Variants in ITIH3 observed in about 807,000 individuals in gnomAD.
ITIH3 encodes inter-alpha-trypsin inhibitor heavy chain H3.
In ITIH3, 81 loss-of-function variants were observed where a neutral mutation model predicts 96.5. The ratio of observed to expected loss-of-function variants is 0.84; its 90% confidence interval spans 0.70 to 1.01. The LOEUF is 1.01. Among genes scored for constraint, ITIH3 ranks in the 50% least tolerant of loss-of-function variants. ITIH3 has a pLI of 0.00. For synonymous variants in ITIH3, 422 were observed against 445.2 expected (o/e 0.95, Z 0.66); for missense variants, 1,057 against 1,139.3 (o/e 0.93, Z 1.04).
In ITIH3 at chr3:52,799,952, C is replaced by T. The variant is rs753363142; in HGVS notation, c.1075+31C>T. On this transcript the variant is annotated intron_variant, in intron 9 of 21. Coordinates refer to ENST00000449956, the MANE Select transcript of ITIH3 (RefSeq NM_002217.4). ...AGCGGAGCTGGAGCCCACACACCTC[C>T]TAGCGGTGCCTCCCTCTGTCCCTGA... 3 of 1,598,632 alleles carry T rather than the reference C, an allele frequency of 1.9e-6. No homozygotes were observed. In the African/African-American group the frequency reaches 4.0e-5, roughly 21 times the overall value.
rs983036071 is a variant in ITIH3, at chr3:52,806,792, G to A, written c.2057-109G>A. The A allele has an allele frequency of 4.7e-6, 4 of 853,938 alleles. No homozygotes were observed. In the South Asian group the frequency reaches 6.3e-5, roughly 14 times the overall value. The allele number at this position is 853,938 out of a possible 1,614,324, so 52.9% of individuals were successfully genotyped here. A position where few individuals can be genotyped will look rare whatever the true frequency, so the allele number is the denominator to read the frequency against. Reference sequence around the variant, plus strand: ...AGTCCTGGTCTCTCTTGTGGCCCCCGCTCTGCTGCCCCTCAGCCAGTCTGG... The same window carrying A: ...AGTCCTGGTCTCTCTTGTGGCCCCCACTCTGCTGCCCCTCAGCCAGTCTGG... On this transcript the variant is annotated intron_variant, in intron 18 of 21. Transcript: ENST00000449956.
chr3:52,808,258 A>G lies in ITIH3; in HGVS notation c.2543+37A>G. ...TCTCCCACACCCTCACCTGCTCAGCAACGAGAGGAGGAAAGAGCACCTGCA... is the reference window on the plus strand; with the variant it reads ...TCTCCCACACCCTCACCTGCTCAGCGACGAGAGGAGGAAAGAGCACCTGCA... On this transcript the variant is annotated intron_variant, in intron 21 of 21. Coordinates refer to ENST00000449956, the MANE Select transcript of ITIH3 (RefSeq NM_002217.4). The G allele has an allele frequency of 1.9e-6, 3 of 1,538,796 alleles. No homozygotes were observed. The South Asian group carries it at 3.3e-5, about 17-fold the overall frequency.
chr3:52,804,529 G>C (rs1344300937), intron 14 of ITIH3, 197 bp from the exon 15 acceptor site: 1 of 591,700 alleles, frequency 1.7e-6, no homozygotes, highest in Non-Finnish European at 3.1e-6. Context: ...GGGAGGCAAA[G>C]AGCTGGGCCT....
intron 10 of ITIH3, 54 bp downstream of exon 10, chr3:52,800,717 C>T (rs1699798793): frequency 5.1e-6 from 8 of 1,578,886 alleles, no homozygotes; most frequent in Middle Eastern, 2.0e-4. Flanking sequence ...GGCTGCTGCT[C>T]CTGGCTCTGT....
rs749576476 is a variant in ITIH3 at position 52,796,646 on chromosome 3, T to C, written c.280T>C (p.Leu94=). The C allele has an allele frequency of 6.2e-7, 1 of 1,611,994 alleles. No individual in the cohort carries two copies. The highest frequency in any genetic ancestry group is 8.5e-7 in the Non-Finnish European group (1 of 1,178,574). Residue 94 remains leucine, a splice_region_variant and synonymous_variant, in exon 3 of 22, where the codon TTG becomes CTG. Coordinates refer to ENST00000449956, the MANE Select transcript of ITIH3 (RefSeq NM_002217.4). ...PKTAFITNFT[L]TIDGVTYPGN... ...GACGGCCTTCATCACCAACTTCACC[T>C]TGTGGGTACCACCATGGCTGCTGGC...
intron 16 of ITIH3, 116 bp downstream of exon 16, chr3:52,805,956 C>T (rs72954399): frequency 0.024 from 36,231 of 1,529,988 alleles, 2,650 homozygotes; most frequent in African/African-American, 0.22. Flanking sequence ...GGACAATGTG[C>T]CCTGAGGAGA....
intron 11 of ITIH3, among the ~76,000 whole-genome samples, chr3:52,801,936 C>G (rs367940446): frequency 4.5e-4 from 69 of 152,308 alleles, no homozygotes; most frequent in South Asian, 1.4e-3. Flanking sequence ...AGGGCGACCA[C>G]CCCATTCCCT....
intron 13 of ITIH3, 149 bp from the exon 14 acceptor site, chr3:52,803,706 T>A: frequency 1.2e-6 from 1 of 810,984 alleles, no homozygotes; most frequent in Admixed American, 2.7e-5. Flanking sequence ...GAGCCAGTCT[T>A]CTCTGAGCCC....
chr3:52,803,967 GACA>G lies in ITIH3; in HGVS notation c.1825_1827del (p.Asn609del). The G allele has an allele frequency of 1.9e-6, 3 of 1,613,826 alleles. No individual in the cohort carries two copies. The highest frequency in any genetic ancestry group is 2.5e-6 in the Non-Finnish European group (3 of 1,179,832). On this transcript the variant is annotated inframe_deletion, in exon 14 of 22. Transcript: ENST00000449956. ...CTCAATGGTGGTGACCAAGCCTGAG[GACA>G]ACGAGGATGAGAGGGCCATTGCCGA...
chr3:52,800,462 C>G, intron 9 of ITIH3, 76 bp from the exon 10 acceptor site: 1 of 1,526,624 alleles, frequency 6.6e-7, no homozygotes, highest in Non-Finnish European at 8.8e-7. Flanking sequence ...GCTGTCCCGG[C>G]CTCCTCCGCT....
chr3:52,808,003 C>A, intron 20 of ITIH3, 87 bp downstream of exon 20: 2 of 1,567,070 alleles, frequency 1.3e-6, no homozygotes, highest in Non-Finnish European at 8.7e-7. Context: ...ACCCTGTACC[C>A]AGCTCACAAC....
At chr3:52,802,540 G>C in intron 12 of ITIH3, 21 bp downstream of exon 12, 1 of 1,613,272 alleles carries the variant, frequency 6.2e-7, no homozygotes, top group East Asian at 2.2e-5. Context: ...ACAGGGCCTG[G>C]AAGTGTGCTG....
At position 52,807,913 on chromosome 3, in the gene ITIH3, C is replaced by T. The variant is rs374475717; in HGVS notation, c.2428C>T (p.Leu810=). 4 of 1,612,592 alleles carry T rather than the reference C, an allele frequency of 2.5e-6. No homozygotes were observed. The highest frequency in any genetic ancestry group is 1.7e-5 in the Admixed American group (1 of 59,824). ...HRMSAQTHGL[L]GQFFQPFDFK... ...GATGTCAGCACAGACGCATGGGCTG[C>T]TGGGTACGAAGTGTTCAGACTGCAG... The change falls in exon 20 of 22, where the codon CTG becomes TTG. Residue 810 remains leucine, a synonymous_variant. Transcript: ENST00000449956.
Position 52,808,708 on chromosome 3 carries a change from G to C in ITIH3, c.*27G>C, listed in dbSNP as rs562024595. On this transcript the variant is annotated 3_prime_UTR_variant, in exon 22 of 22. Transcript: ENST00000449956. ...TAGACACACCAGCTCCTGTTGGGAT[G>C]GATGGCCCGGATTTTATGGCATCTG... 1.6e-5 allele frequency: 26 copies of C among 1,591,112 alleles called. No homozygotes were observed. Among genetic ancestry groups the C allele is most frequent in the Non-Finnish European group, 2.0e-5 (23 of 1,160,812 alleles).
intron 13 of ITIH3, 82 bp from the exon 14 acceptor site, chr3:52,803,773 G>GC (rs1559472995): frequency 6.7e-7 from 1 of 1,495,784 alleles, no homozygotes; most frequent in African/African-American, 1.4e-5. Context: ...GGGATCCCCA[G>GC]CTGTGTCCAC....
intron 16 of ITIH3, 98 bp from the exon 17 acceptor site, chr3:52,806,005 G>T: frequency 7.0e-7 from 1 of 1,425,306 alleles, no homozygotes; most frequent in Non-Finnish European, 9.3e-7. Flanking sequence ...CGAGCGGGAA[G>T]GGGAGGGGAG....
In ITIH3 at chr3:52,807,609, C is replaced by T. The variant is rs141801574; in HGVS notation, c.2262-138C>T. The T allele has an allele frequency of 2.6e-3, 1,895 of 726,384 alleles. 23 individuals are homozygous for T. The African/African-American group carries it at 0.028, about 11-fold the overall frequency. The allele number at this position is 726,384 out of a possible 1,614,324, so 45.0% of individuals were successfully genotyped here. Reference sequence around the variant, plus strand: ...TGTGCATGAGGCATCCTCTTTCCAACGCCCCTGAGATAGTTTCTGGAGTCT... The same window carrying T: ...TGTGCATGAGGCATCCTCTTTCCAATGCCCCTGAGATAGTTTCTGGAGTCT... On this transcript the variant is annotated intron_variant, in intron 19 of 21. Coordinates refer to ENST00000449956, the MANE Select transcript of ITIH3 (RefSeq NM_002217.4).
intron 19 of ITIH3, 141 bp from the exon 20 acceptor site, chr3:52,807,606 C>A: frequency 1.4e-6 from 1 of 719,586 alleles, no homozygotes; most frequent in Non-Finnish European, 2.3e-6. Context: ...ATCCTCTTTC[C>A]AACGCCCCTG....
In ITIH3 at chr3:52,796,652, G is replaced by T. The variant is rs772782855; in HGVS notation, c.281+5G>T. 2 of 1,611,292 alleles carry T rather than the reference G, an allele frequency of 1.2e-6. No homozygotes were observed. The highest frequency in any genetic ancestry group is 3.3e-5 in the Admixed American group (2 of 59,820). ...CTTCATCACCAACTTCACCTTGTGGGTACCACCATGGCTGCTGGCTCTGGG... is the reference window on the plus strand; with the variant it reads ...CTTCATCACCAACTTCACCTTGTGGTTACCACCATGGCTGCTGGCTCTGGG... On this transcript the variant is annotated splice_donor_5th_base_variant and intron_variant, in intron 3 of 21. Transcript: ENST00000449956.
Sources: gnomAD v4.1 joint callset for allele counts (sites outside exome capture counted in the v4.1 genomes callset) on GRCh38, gnomAD v4.1.1 for gene constraint, MANE v1.5 for transcripts, NCBI Gene and HGNC (gene_info 2026-07-23, HGNC 2026-07-21) for gene names.